The following GOLPH3L variants were observed in gnomAD, a reference collection of about 807,000 sequenced individuals.
The protein encoded by GOLPH3L is Golgi phosphoprotein 3-like.
GOLPH3L carries 22 observed loss-of-function variants against 30.3 expected under a neutral mutation model. The ratio of observed to expected loss-of-function variants is 0.73; its 90% confidence interval spans 0.52 to 1.04. The LOEUF is 1.04. Ranked by LOEUF, GOLPH3L falls within the 50% of genes least tolerant of loss-of-function variation. The pLI, the probability that GOLPH3L is intolerant of heterozygous loss-of-function variation, is 0.00. For missense variants in GOLPH3L, 303 were observed against 345.8 expected, an observed-to-expected ratio of 0.88 and a Z score of 0.98; for synonymous variants, 120 against 128.2, an observed-to-expected ratio of 0.94 and a Z score of 0.43.
intron 4 of GOLPH3L, among the ~76,000 whole-genome samples, chr1:150,654,053 G>A (rs368308297): frequency 1.3e-5 from 2 of 151,652 alleles, no homozygotes; most frequent in East Asian, 2.0e-4. Flanking sequence ...GTGAGCCACC[G>A]CACCCAGCCA....
intron 2 of GOLPH3L, among the ~76,000 whole-genome samples, chr1:150,693,840 T>C (rs12731712): frequency 0.26 from 20,108 of 78,768 alleles, 2,926 homozygotes; most frequent in Non-Finnish European, 0.3. Flanking sequence ...TATATATATA[T>C]ATATATATTT....
At position 150,696,544 on chromosome 1, in the gene GOLPH3L, T is replaced by C. The variant is rs587617474; in HGVS notation, c.-13+448A>G. Among the ~76,000 whole-genome samples, 9 of 152,300 alleles carry C rather than the reference T, an allele frequency of 5.9e-5. 1 individual carries two copies. In the South Asian group the frequency reaches 1.9e-3, roughly 32 times the overall value. ...ATTGTTATTGCTCGATAAATTTATA[T>C]TGATTAAAATGAATACTCAGAAGTG... is the stretch of plus-strand genomic sequence containing the variant. On this transcript the variant is annotated intron_variant, in intron 1 of 4. Coordinates refer to ENST00000271732, the MANE Select transcript of GOLPH3L (RefSeq NM_018178.6).
Position 150,694,777 on chromosome 1 carries a change from ATCT to A in GOLPH3L, c.59_61del (p.Lys20del). ...CCAATTACTGTCTTCCTCACTTTCCATCTTCTTTTCAGAGTTCTTGCTTATTTC... is the reference window on the plus strand; with the variant it reads ...CCAATTACTGTCTTCCTCACTTTCCATCTTTTCAGAGTTCTTGCTTATTTC... On this transcript the variant is annotated inframe_deletion, in exon 2 of 5. Coordinates refer to ENST00000271732, the MANE Select transcript of GOLPH3L (RefSeq NM_018178.6). The A allele has an allele frequency of 6.2e-7, 1 of 1,612,820 alleles. No individual in the cohort carries two copies. The highest frequency in any genetic ancestry group is 8.5e-7 in the Non-Finnish European group (1 of 1,179,146).
intron 3 of GOLPH3L, 62 bp downstream of exon 3, chr1:150,663,570 C>T (rs1650422490): frequency 2.1e-6 from 3 of 1,442,842 alleles, no homozygotes; most frequent in African/African-American, 1.4e-5. Context: ...TCTATTCTTC[C>T]CAAATGTACT....
intron 2 of GOLPH3L, among the ~76,000 whole-genome samples, chr1:150,667,178 A>G (rs1650527485): frequency 6.6e-6 from 1 of 152,238 alleles, no homozygotes; most frequent in South Asian, 2.1e-4. Context: ...GGGTAATTTG[A>G]TCTTCATGTT....
At chr1:150,665,386 G>A (rs1650476190) in intron 2 of GOLPH3L, among the ~76,000 whole-genome samples, 1 of 151,804 alleles carries the variant, frequency 6.6e-6, no homozygotes, top group Non-Finnish European at 1.5e-5. Context: ...AAATGCAGTG[G>A]GGCCATCATA....
intron 2 of GOLPH3L, among the ~76,000 whole-genome samples, chr1:150,684,089 G>C (rs1322521008): frequency 6.6e-6 from 1 of 152,166 alleles, no homozygotes; most frequent in African/African-American, 2.4e-5. Context: ...TGGACACCTA[G>C]AGACGCCAGG....
chr1:150,680,288 C>G (rs971018505), intron 2 of GOLPH3L, among the ~76,000 whole-genome samples: 2 of 152,304 alleles, frequency 1.3e-5, no homozygotes. Context: ...TATCCTTCCT[C>G]TACACCTCAA....
At position 150,648,437 on chromosome 1, in the gene GOLPH3L, C is replaced by T; in HGVS notation, c.742G>A (p.Asp248Asn). The part of the protein sequence containing the change: ...VFSSLTDDKY[D>N]VAMNRAKDLV... The stretch of plus-strand genomic sequence containing the variant: ...TCCTTGGCTCGATTCATTGCCACAT[C>T]ATACTTGTCATCTGTCAGAGAGGAG... Residue 248 changes from aspartate to asparagine, a missense_variant, in exon 5 of 5, where the codon GAT becomes AAT. By Grantham distance (23) the Asp-to-Asn change is conservative. Transcript: ENST00000271732. 1 of 1,613,826 alleles carries T rather than the reference C, an allele frequency of 6.2e-7. No homozygotes were observed. The highest frequency in any genetic ancestry group is 2.2e-5 in the East Asian group (1 of 44,890).
At chr1:150,687,586 CA>C (rs961518747) in intron 2 of GOLPH3L, among the ~76,000 whole-genome samples, 2 of 148,950 alleles carry the variant, frequency 1.3e-5, no homozygotes, top group Non-Finnish European at 3.0e-5. Context: ...AAAAAAAAAA[CA>C]AAAAAAAACT....
At position 150,648,199 on chromosome 1, in the gene GOLPH3L, A is replaced by T; in HGVS notation, c.*122T>A. 1 of 713,696 alleles carries T rather than the reference A, an allele frequency of 1.4e-6. No individual in the cohort carries two copies. Among genetic ancestry groups the T allele is most frequent in the Non-Finnish European group, 2.3e-6 (1 of 433,796 alleles). 44.2% of individuals were successfully genotyped at this position (713,696 alleles called of 1,614,324 possible). On this transcript the variant is annotated 3_prime_UTR_variant, in exon 5 of 5. Coordinates refer to ENST00000271732, the MANE Select transcript of GOLPH3L (RefSeq NM_018178.6). ...GCCCTGAAGTTGCTCTCCCCAAATC[A>T]CAAGTCTGATTCAAGAAAAGGAAAC...
chr1:150,654,240 C>G (rs1650190302), intron 4 of GOLPH3L, among the ~76,000 whole-genome samples: 1 of 151,690 alleles, frequency 6.6e-6, no homozygotes, highest in Non-Finnish European at 1.5e-5. Context: ...GGCATGGTGG[C>G]TCATTCCTGT....
chr1:150,647,953 TAG>T lies in GOLPH3L; in HGVS notation c.*366_*367del, dbSNP rs761932480. The T allele has an allele frequency of 2.1e-4, 38 of 184,100 alleles. No homozygotes were observed. The highest frequency in any genetic ancestry group is 3.7e-4 in the Non-Finnish European group (33 of 89,248). 11.4% of individuals were successfully genotyped at this position (184,100 alleles called of 1,614,324 possible). A position where few individuals can be genotyped will look rare whatever the true frequency, so the allele number is the denominator to read the frequency against. On this transcript the variant is annotated 3_prime_UTR_variant, in exon 5 of 5. Transcript: ENST00000271732. ...AGAAAACAAACTCAGAAAAATATAA[TAG>T]ATAGTTCACTTTTTATCTCATTCAC...
rs397981524 is a variant in GOLPH3L at position 150,683,699 on chromosome 1, C to CAAAAAAAAA, written c.183+10948_183+10956dup. ...TGGGTGACAGAGCGAGACTCTCTCT[C>CAAAAAAAAA]AAAAAAAAAAAAAAAAAAAAAAAAA... On this transcript the variant is annotated intron_variant, in intron 2 of 4. Coordinates refer to ENST00000271732, the MANE Select transcript of GOLPH3L (RefSeq NM_018178.6). 1.0e-3 allele frequency among the ~76,000 whole-genome samples: 15 copies of CAAAAAAAAA among 14,970 alleles called. 2 individuals are homozygous for CAAAAAAAAA. The highest frequency in any genetic ancestry group is 1.6e-3 in the African/African-American group (8 of 4,918). 9.8% of individuals were successfully genotyped at this position (14,970 alleles called of 152,430 possible).
intron 4 of GOLPH3L, among the ~76,000 whole-genome samples, chr1:150,658,066 G>C (rs1473135272): frequency 6.6e-6 from 1 of 152,190 alleles, no homozygotes; most frequent in Non-Finnish European, 1.5e-5. Context: ...CAGCTGATTT[G>C]GATACCATCA....
At chr1:150,667,595 C>CTT (rs200372559) in intron 2 of GOLPH3L, among the ~76,000 whole-genome samples, 7 of 134,422 alleles carry the variant, frequency 5.2e-5, no homozygotes, top group African/African-American at 1.1e-4. Flanking sequence ...TTTTTTCTTT[C>CTT]TTTTTTTTTT....
intron 2 of GOLPH3L, among the ~76,000 whole-genome samples, chr1:150,674,561 C>A (rs1375164786): frequency 6.6e-6 from 1 of 151,994 alleles, no homozygotes; most frequent in Non-Finnish European, 1.5e-5. Flanking sequence ...CCGCACTCGG[C>A]CTTTTTCTTT....
At chr1:150,668,819 T>C (rs993864134) in intron 2 of GOLPH3L, among the ~76,000 whole-genome samples, 1 of 152,204 alleles carries the variant, frequency 6.6e-6, no homozygotes, top group Non-Finnish European at 1.5e-5. Context: ...TATGTAGGCA[T>C]TATTTATTCT....
intron 2 of GOLPH3L, among the ~76,000 whole-genome samples, chr1:150,668,675 G>C (rs924848595): frequency 6.6e-6 from 1 of 152,106 alleles, no homozygotes; most frequent in Non-Finnish European, 1.5e-5. Flanking sequence ...GAGCCACTGT[G>C]CCTGGCCCCA....
Sources: gnomAD v4.1 joint callset for allele counts (sites outside exome capture counted in the v4.1 genomes callset) on GRCh38, gnomAD v4.1.1 for gene constraint, MANE v1.5 for transcripts, NCBI Gene and HGNC (gene_info 2026-07-23, HGNC 2026-07-21) for gene names.